The following RAB28 variants were observed in gnomAD, a reference collection of about 807,000 sequenced individuals.
The protein encoded by RAB28 is RAB28, member RAS oncogene family, also known as ras-related protein Rab-28.
RAB28 carries 24 observed loss-of-function variants against 31.7 expected under a neutral mutation model. That is an observed-to-expected ratio of 0.76 (90% CI 0.55 to 1.06). The LOEUF is 1.06. RAB28 is among the 50% of genes least tolerant of loss of function. The probability of loss-of-function intolerance (pLI) is 0.00; values close to 1 mark genes in which losing one functional copy is unlikely to be tolerated. For missense variants in RAB28, 254 were observed against 258.5 expected (o/e 0.98, Z 0.12); for synonymous variants, 100 against 90.4 (o/e 1.11, Z -0.60).
chr4:13,416,734 C>G (rs1712803727), intron 4 of RAB28, among the ~76,000 whole-genome samples: 1 of 152,120 alleles, frequency 6.6e-6, no homozygotes, highest in Non-Finnish European at 1.5e-5. Context: ...TATGATCTGT[C>G]AAAACTCATT....
Position 13,479,525 on chromosome 4 carries a change from G to T in RAB28, c.77C>A (p.Thr26Asn). 1 of 1,587,874 alleles carries T rather than the reference G, an allele frequency of 6.3e-7. No individual in the cohort carries two copies. Among genetic ancestry groups the T allele is most frequent in the African/African-American group, 1.3e-5 (1 of 74,214 alleles). ...TTGAGCAAAACACGTAGTTAAGGAG[G>T]TCTAAAAAATTGATGCACAGAATGT... is the stretch of plus-strand genomic sequence containing the variant. Reference protein sequence around the residue: ...VVLGDGASGKTSLTTCFAQET... With the variant: ...VVLGDGASGKNSLTTCFAQET... Residue 26 changes from threonine to asparagine, a missense_variant and splice_region_variant, in exon 2 of 7, where the codon ACC becomes AAC. Coordinates refer to ENST00000330852, the MANE Select transcript of RAB28 (RefSeq NM_001017979.3).
intron 5 of RAB28, among the ~76,000 whole-genome samples, chr4:13,379,222 A>T (rs1729039016): frequency 6.6e-6 from 1 of 151,350 alleles, no homozygotes; most frequent in South Asian, 2.1e-4. Context: ...AAAAAAAAAA[A>T]AAAAAAGTCA....
chr4:13,427,801 A>G (rs993271414), intron 4 of RAB28, among the ~76,000 whole-genome samples: 1 of 152,156 alleles, frequency 6.6e-6, no homozygotes, highest in Non-Finnish European at 1.5e-5. Context: ...GAGAAGAGTA[A>G]CACTTTTGGA....
chr4:13,415,200 T>A (rs1712678896), intron 4 of RAB28, among the ~76,000 whole-genome samples: 1 of 152,158 alleles, frequency 6.6e-6, no homozygotes, highest in African/African-American at 2.4e-5. Context: ...CACATATAAA[T>A]GCTGAAAATA....
At chr4:13,470,983 T>C (rs1417538659) in intron 3 of RAB28, among the ~76,000 whole-genome samples, 1 of 152,130 alleles carries the variant, frequency 6.6e-6, no homozygotes, top group Non-Finnish European at 1.5e-5. Context: ...ACATATAAGC[T>C]TCTACGCAGA....
At chr4:13,376,704 G>T (rs1057119339) in intron 5 of RAB28, 82 bp from the exon 6 acceptor site, 3 of 901,858 alleles carry the variant, frequency 3.3e-6, no homozygotes, top group Admixed American at 5.3e-5. Context: ...TCTTAAAAAT[G>T]ATAAACAGCA....
At chr4:13,455,164 C>A (rs1023898889) in intron 4 of RAB28, among the ~76,000 whole-genome samples, 1 of 152,186 alleles carries the variant, frequency 6.6e-6, no homozygotes, top group South Asian at 2.1e-4. Flanking sequence ...CACACAGATG[C>A]TCGGTCAGCC....
intron 4 of RAB28, among the ~76,000 whole-genome samples, chr4:13,401,124 T>C (rs1324408015): frequency 6.6e-6 from 1 of 152,228 alleles, no homozygotes; most frequent in East Asian, 1.9e-4. Flanking sequence ...GAAAAGTTTA[T>C]ATACAATTAG....
chr4:13,480,798 T>C (rs1315494996), intron 1 of RAB28, among the ~76,000 whole-genome samples: 2 of 151,936 alleles, frequency 1.3e-5, no homozygotes, highest in Non-Finnish European at 2.9e-5. Context: ...TTTGTTATAT[T>C]TTTGACACAT....
chr4:13,415,613 G>A (rs1040799742), intron 4 of RAB28, among the ~76,000 whole-genome samples: 5 of 152,178 alleles, frequency 3.3e-5, no homozygotes, highest in Non-Finnish European at 7.4e-5. Context: ...TTCTTGCCGG[G>A]CCTTAGCTGC....
At chr4:13,467,667 A>T (rs1301034631) in intron 3 of RAB28, among the ~76,000 whole-genome samples, 1 of 152,010 alleles carries the variant, frequency 6.6e-6, no homozygotes, top group Non-Finnish European at 1.5e-5. Context: ...CTGATATGCT[A>T]AAACAGGAGA....
intron 4 of RAB28, among the ~76,000 whole-genome samples, chr4:13,420,984 A>G (rs1346821177): frequency 2.0e-5 from 3 of 152,218 alleles, no homozygotes; most frequent in East Asian, 1.9e-4. Context: ...TGCAGATGAC[A>G]TGATTGTATA....
At chr4:13,415,709 C>A (rs986721961) in intron 4 of RAB28, among the ~76,000 whole-genome samples, 2 of 152,150 alleles carry the variant, frequency 1.3e-5, no homozygotes, top group Admixed American at 1.3e-4. Flanking sequence ...CCCCAACGAG[C>A]ACCATCCCCT....
chr4:13,458,912 G>A (rs1433031617), intron 4 of RAB28, among the ~76,000 whole-genome samples: 1 of 152,176 alleles, frequency 6.6e-6, no homozygotes, highest in Non-Finnish European at 1.5e-5. Flanking sequence ...TGATTGGCGT[G>A]AAGGATGCAA....
chr4:13,458,398 A>G (rs1715415985), intron 4 of RAB28, among the ~76,000 whole-genome samples: 1 of 151,936 alleles, frequency 6.6e-6, no homozygotes, highest in African/African-American at 2.4e-5. Context: ...ACTGCTTCCT[A>G]AACAATTACA....
chr4:13,369,964 C>A, intron 6 of RAB28: 1 of 1,608,912 alleles, frequency 6.2e-7, no homozygotes, highest in African/African-American at 1.3e-5. Flanking sequence ...CCTGACAATA[C>A]GCTGTCAATT....
Position 13,368,317 on chromosome 4 carries a change from G to C in RAB28, c.*241C>G. Reference sequence around the variant, plus strand: ...AACATCATTCTTTTGCAATGAAGCAGTCTAATTCCAGGGAATGGGTTTTCC... The same window carrying C: ...AACATCATTCTTTTGCAATGAAGCACTCTAATTCCAGGGAATGGGTTTTCC... On this transcript the variant is annotated 3_prime_UTR_variant, in exon 7 of 7. Coordinates refer to ENST00000330852, the MANE Select transcript of RAB28 (RefSeq NM_001017979.3). The C allele has an allele frequency of 8.6e-7, 1 of 1,157,150 alleles. No individual in the cohort carries two copies. The highest frequency in any genetic ancestry group is 1.1e-6 in the Non-Finnish European group (1 of 940,662). The allele number at this position is 1,157,150 out of a possible 1,614,324, so 71.7% of individuals were successfully genotyped here. A position where few individuals can be genotyped will look rare whatever the true frequency, so the allele number is the denominator to read the frequency against.
chr4:13,464,703 A>G (rs932712048), intron 3 of RAB28, among the ~76,000 whole-genome samples: 5 of 152,154 alleles, frequency 3.3e-5, no homozygotes, highest in African/African-American at 1.2e-4. Context: ...TAAATGCAGC[A>G]CAGTGTAAAG....
chr4:13,455,565 G>A (rs1271946376), intron 4 of RAB28, among the ~76,000 whole-genome samples: 1 of 152,218 alleles, frequency 6.6e-6, no homozygotes, highest in African/African-American at 2.4e-5. Flanking sequence ...GCACACTCCA[G>A]AGGTGGCTCT....
Sources: allele counts gnomAD v4.1 joint callset (sites outside exome capture counted in the v4.1 genomes callset), GRCh38; gene constraint gnomAD v4.1.1; transcripts MANE v1.5; gene names NCBI Gene and HGNC (gene_info 2026-07-23, HGNC 2026-07-21).